Variants in RSPO4 observed in about 807,000 individuals in gnomAD.
RSPO4 encodes R-spondin-4.
A neutral mutation model predicts 24.8 loss-of-function variants in RSPO4; 23 were observed. The observed-to-expected ratio is 0.93, with a 90% CI of 0.67 to 1.31. The LOEUF (loss-of-function observed/expected upper bound fraction) is 1.31, where lower values mean the gene tolerates loss of function less well. RSPO4 is among the 40% of genes most tolerant of loss of function. The pLI is 0.00. For missense variants in RSPO4, 333 were observed against 316.5 expected, an observed-to-expected ratio of 1.05 and a Z score of -0.39; for synonymous variants, 141 against 127.4, an observed-to-expected ratio of 1.11 and a Z score of -0.72.
Position 994,209 on chromosome 20 carries a change from G to A in RSPO4, c.79+7877C>T, listed in dbSNP as rs369270366. ...ACTTTTGTAAACCTTTGATGCCAAT[G>A]AAAGTTAAGTATTTTTAAAGAAAAA... On this transcript the variant is annotated intron_variant, in intron 1 of 4. Coordinates refer to ENST00000217260, the MANE Select transcript of RSPO4 (RefSeq NM_001029871.4). Among the ~76,000 whole-genome samples, 3 of 152,174 alleles carry A rather than the reference G, an allele frequency of 2.0e-5. No homozygotes were observed. The South Asian group carries it at 6.2e-4, about 32-fold the overall frequency.
chr20:961,375 C>G (rs911977454), intron 4 of RSPO4, among the ~76,000 whole-genome samples: 1 of 152,184 alleles, frequency 6.6e-6, no homozygotes, highest in Non-Finnish European at 1.5e-5. Flanking sequence ...TCTGAAGGTG[C>G]GCAGCGAGGC....
intron 4 of RSPO4, among the ~76,000 whole-genome samples, chr20:960,867 C>T (rs117146192): frequency 1.6e-3 from 247 of 152,366 alleles, no homozygotes; most frequent in Non-Finnish European, 2.7e-3. Context: ...CACCTTTCAT[C>T]TGTGTCCCTG....
At chr20:999,213 C>T (rs950508441) in intron 1 of RSPO4, among the ~76,000 whole-genome samples, 1 of 152,054 alleles carries the variant, frequency 6.6e-6, no homozygotes, top group Middle Eastern at 3.2e-3. Context: ...TAGAGTTTTG[C>T]CATGTTGCCC....
chr20:992,690 T>A (rs61364350), intron 1 of RSPO4, among the ~76,000 whole-genome samples: 5,389 of 152,236 alleles, frequency 0.035, 253 homozygotes, highest in African/African-American at 0.11. Flanking sequence ...AGTCAAATAC[T>A]GTCACCCAAG....
At position 960,408 on chromosome 20, in the gene RSPO4, C is replaced by G. The variant is rs2122203122; in HGVS notation, c.654G>C (p.Lys218Asn). 1.3e-6 allele frequency: 2 copies of G among 1,539,708 alleles called. No homozygotes were observed. The highest frequency in any genetic ancestry group is 4.9e-5 in the East Asian group (2 of 41,048). ...RKDRRPRKDR[K>N]LDRRLDVRPR... is the part of the protein sequence containing the mutation. ...GCCTCACGTCCAGCCTGCGGTCCAG[C>G]TTCCTGTCCTTGCGTGGGCGCCGGT... Residue 218 changes from lysine to asparagine, a missense_variant, in exon 5 of 5, where the codon AAG (lysine) becomes AAC (asparagine). By Grantham distance (94) the Lys-to-Asn change is moderately conservative. Transcript: ENST00000217260.
At position 968,081 on chromosome 20, in the gene RSPO4, C is replaced by A; in HGVS notation, c.137G>T (p.Gly46Val). The A allele has an allele frequency of 6.2e-7, 1 of 1,614,206 alleles. No homozygotes were observed. Among genetic ancestry groups the A allele is most frequent in the Non-Finnish European group, 8.5e-7 (1 of 1,180,048 alleles). Reference protein sequence around the residue: ...TGCIICSEENGCSTCQQRLFL... With the variant: ...TGCIICSEENVCSTCQQRLFL... ...GAGCCTCTGCTGGCAGGTGGAACAGCCGTTCTCCTCTGAGCAGATGATACA... is the reference window on the plus strand; with the variant it reads ...GAGCCTCTGCTGGCAGGTGGAACAGACGTTCTCCTCTGAGCAGATGATACA... The change falls in exon 2 of 5, where the codon GGC becomes GTC. Residue 46 changes from glycine (G) to valine (V), a missense_variant. Transcript: ENST00000217260.
intron 1 of RSPO4, among the ~76,000 whole-genome samples, chr20:1,000,440 G>A (rs560095263): frequency 3.1e-4 from 47 of 152,198 alleles, no homozygotes; most frequent in African/African-American, 1.1e-3. Flanking sequence ...TAATACTTAC[G>A]AGCACCCATT....
chr20:979,707 C>A (rs186566461), intron 1 of RSPO4, among the ~76,000 whole-genome samples: 10 of 152,256 alleles, frequency 6.6e-5, no homozygotes, highest in Admixed American at 4.6e-4. Context: ...AACTAATAAC[C>A]CTTTACCAAC....
At chr20:971,871 C>T (rs1432161453) in intron 1 of RSPO4, among the ~76,000 whole-genome samples, 1 of 152,100 alleles carries the variant, frequency 6.6e-6, no homozygotes, top group Non-Finnish European at 1.5e-5. Flanking sequence ...CAGGAGGAGG[C>T]CTACATTCTT....
chr20:970,476 A>G lies in RSPO4; in HGVS notation c.80-2338T>C, dbSNP rs989059587. 3.9e-5 allele frequency among the ~76,000 whole-genome samples: 6 copies of G among 152,128 alleles called. No homozygotes were observed. The highest frequency in any genetic ancestry group is 4.4e-5 in the Non-Finnish European group (3 of 68,030). On this transcript the variant is annotated intron_variant, in intron 1 of 4. Coordinates refer to ENST00000217260, the MANE Select transcript of RSPO4 (RefSeq NM_001029871.4). The surrounding 1 kb of genome is among the most constrained non-coding windows in gnomAD (Gnocchi z 4.1). ...AGTGTACCCTGGGATGCTGTTCCCA[A>G]GCAAAGTTGGCATTGCCCTCAATTT...
intron 1 of RSPO4, among the ~76,000 whole-genome samples, chr20:980,705 G>T (rs993295800): frequency 6.6e-6 from 1 of 152,112 alleles, no homozygotes; most frequent in Non-Finnish European, 1.5e-5. Context: ...TAAAACCGGG[G>T]TTCAAACTCA....
chr20:992,691 G>T (rs61503125), intron 1 of RSPO4, among the ~76,000 whole-genome samples: 5,391 of 152,200 alleles, frequency 0.035, 253 homozygotes, highest in African/African-American at 0.11. Flanking sequence ...GTCAAATACT[G>T]TCACCCAAGC....
intron 1 of RSPO4, among the ~76,000 whole-genome samples, chr20:993,798 C>G (rs1398710661): frequency 6.6e-6 from 1 of 152,152 alleles, no homozygotes; most frequent in Non-Finnish European, 1.5e-5. Flanking sequence ...ATGAATGTGC[C>G]TCTCTTTTAA....
At chr20:988,980 CTT>C (rs1291887055) in intron 1 of RSPO4, among the ~76,000 whole-genome samples, 1 of 152,160 alleles carries the variant, frequency 6.6e-6, no homozygotes, top group Non-Finnish European at 1.5e-5. Context: ...TCCTTGACCT[CTT>C]GTTGCCTCTT....
intron 1 of RSPO4, among the ~76,000 whole-genome samples, chr20:992,039 G>A (rs918633487): frequency 7.2e-6 from 1 of 138,228 alleles, no homozygotes; most frequent in Non-Finnish European, 1.6e-5. Context: ...GAGGGGACGA[G>A]GAAGTAAAAG....
chr20:963,862 G>T, intron 4 of RSPO4, 73 bp downstream of exon 4: 2 of 1,440,786 alleles, frequency 1.4e-6, no homozygotes, highest in Non-Finnish European at 1.9e-6. Flanking sequence ...TATTTGTGGG[G>T]CAGTGATCTG....
intron 1 of RSPO4, among the ~76,000 whole-genome samples, chr20:993,438 C>T (rs1051793723): frequency 2.6e-5 from 4 of 152,156 alleles, no homozygotes; most frequent in Non-Finnish European, 5.9e-5. Flanking sequence ...TGCTGCTGTT[C>T]CACCGGGCTA....
At chr20:963,525 C>T (rs932549248) in intron 4 of RSPO4, among the ~76,000 whole-genome samples, 3 of 152,116 alleles carry the variant, frequency 2.0e-5, no homozygotes, top group African/African-American at 7.2e-5. Flanking sequence ...TTGGGCCAAG[C>T]GCTTCCATCA....
Position 1,002,161 on chromosome 20 carries a change from G to C in RSPO4, c.4C>G (p.Arg2Gly). Residue 2 changes from arginine to glycine, a missense_variant, in exon 1 of 5, where the codon CGG (arginine) becomes GGG (glycine). By Grantham distance (125) the Arg-to-Gly change is moderately radical (BLOSUM62 -2). Transcript: ENST00000217260. The surrounding 1 kb of genome is among the most constrained non-coding windows in gnomAD (Gnocchi z 4.6). The part of the protein sequence containing the change: M[R>G]APLCLLLLVA... ...AGCAGGAGCAGGCAGAGTGGCGCCC[G>C]CATCTGGGCAGCCGGATCCGGGCTG... 1 of 1,548,554 alleles carries C rather than the reference G, an allele frequency of 6.5e-7. No homozygotes were observed. Among genetic ancestry groups the C allele is most frequent in the Non-Finnish European group, 8.7e-7 (1 of 1,147,148 alleles).
Sources: gnomAD v4.1 joint callset for allele counts (sites outside exome capture counted in the v4.1 genomes callset) on GRCh38, gnomAD v4.1.1 for gene constraint, Gnocchi (gnomAD v3.1) non-coding constraint, MANE v1.5 for transcripts, NCBI Gene and HGNC (gene_info 2026-07-23, HGNC 2026-07-21) for gene names.